Variants in PDE1C observed in about 807,000 individuals in gnomAD.
The protein encoded by PDE1C is phosphodiesterase 1C, also known as dual specificity calcium/calmodulin-dependent 3',5'-cyclic nucleotide phosphodiesterase 1C.
PDE1C carries 62 observed loss-of-function variants against 93.1 expected under a neutral mutation model. The observed-to-expected ratio is 0.67, with a 90% CI of 0.54 to 0.82. PDE1C has a LOEUF of 0.82. Ranked by LOEUF, PDE1C falls within the 40% of genes least tolerant of loss-of-function variation. PDE1C has a pLI of 0.00. For missense variants in PDE1C, 742 were observed against 884.6 expected, an observed-to-expected ratio of 0.84 and a Z score of 2.04; for synonymous variants, 325 against 310.1, an observed-to-expected ratio of 1.05 and a Z score of -0.50.
rs1799741717 is a variant in PDE1C, at chr7:32,128,906, A to AT, written c.308+40878_308+40879insA. ...GTACCCTAGAACTTAAAGTATAACA[A>AT]ATATATATATATATATATATATATA... On this transcript the variant is annotated intron_variant, in intron 3 of 18. Coordinates refer to the PDE1C transcript ENST00000396193. 8.0e-4 allele frequency among the ~76,000 whole-genome samples: 45 copies of AT among 56,006 alleles called. 2 individuals carry two copies. Among genetic ancestry groups the AT allele is most frequent in the African/African-American group, 2.9e-3 (44 of 14,956 alleles). 36.7% of individuals were successfully genotyped at this position (56,006 alleles called of 152,430 possible).
chr7:32,339,814 G>A (rs1408667579), intron 1 of PDE1C, among the ~76,000 whole-genome samples: 1 of 152,038 alleles, frequency 6.6e-6, no homozygotes, highest in Admixed American at 6.5e-5. Context: ...CCAAGATGAG[G>A]GCTATAAAAG....
chr7:31,823,304 C>T, intron 13 of PDE1C, 56 bp from the exon 14 acceptor site: 7 of 1,468,240 alleles, frequency 4.8e-6, no homozygotes, highest in East Asian at 2.3e-5. Flanking sequence ...AAAATGTCTG[C>T]CAATGAGCAA....
At chr7:31,828,044 C>T (rs1210544375) in intron 12 of PDE1C, among the ~76,000 whole-genome samples, 4 of 152,020 alleles carry the variant, frequency 2.6e-5, no homozygotes, top group Non-Finnish European at 5.9e-5. Flanking sequence ...AGTTGGGGCC[C>T]CCTCTTTCTC....
chr7:32,103,563 G>A (rs1236941755), intron 3 of PDE1C, among the ~76,000 whole-genome samples: 1 of 152,150 alleles, frequency 6.6e-6, no homozygotes, highest in African/African-American at 2.4e-5. Flanking sequence ...TCCAAAAAGA[G>A]ACTGACTAAA....
intron 2 of PDE1C, among the ~76,000 whole-genome samples, chr7:31,951,131 A>G (rs1184727974): frequency 6.6e-6 from 1 of 152,186 alleles, no homozygotes; most frequent in Non-Finnish European, 1.5e-5. Flanking sequence ...CACCAGTCCC[A>G]TTCGATGAGG....
At chr7:31,774,820 A>G (rs1795722219) in intron 17 of PDE1C, among the ~76,000 whole-genome samples, 1 of 152,218 alleles carries the variant, frequency 6.6e-6, no homozygotes, top group Non-Finnish European at 1.5e-5. Flanking sequence ...AAAGACAGGA[A>G]GGAGAGGTAA....
intron 2 of PDE1C, among the ~76,000 whole-genome samples, chr7:31,900,764 G>C (rs1192887979): frequency 2.0e-5 from 3 of 151,804 alleles, no homozygotes; most frequent in African/African-American, 7.2e-5. Flanking sequence ...CTGTTTCAGA[G>C]TGTGGTTTTC....
intron 1 of PDE1C, among the ~76,000 whole-genome samples, chr7:32,364,976 A>G (rs215706): frequency 0.97 from 148,442 of 152,324 alleles, 72,347 homozygotes; most frequent in East Asian, 1. Flanking sequence ...CTAAACTGCC[A>G]CATGCTTTCC....
intron 1 of PDE1C, among the ~76,000 whole-genome samples, chr7:32,064,504 G>C (rs993841653): frequency 2.0e-5 from 3 of 152,034 alleles, no homozygotes; most frequent in African/African-American, 7.2e-5. Flanking sequence ...CCCAAATCAG[G>C]CATCTTCCCC....
intron 16 of PDE1C, among the ~76,000 whole-genome samples, chr7:31,802,192 C>T (rs1237335686): frequency 1.3e-5 from 2 of 151,402 alleles, no homozygotes; most frequent in Non-Finnish European, 3.0e-5. Flanking sequence ...TTTATGATTT[C>T]ATTTTATCTG....
At chr7:32,167,842 C>T (rs1307400895) in intron 3 of PDE1C, among the ~76,000 whole-genome samples, 1 of 152,020 alleles carries the variant, frequency 6.6e-6, no homozygotes, top group African/African-American at 2.4e-5. Flanking sequence ...TGGTAATGAC[C>T]CTACAGAGGA....
At chr7:32,426,919 G>C (rs1254859903) in intron 1 of PDE1C, among the ~76,000 whole-genome samples, 1 of 152,114 alleles carries the variant, frequency 6.6e-6, no homozygotes, top group Non-Finnish European at 1.5e-5. Context: ...AAATTTGCTT[G>C]GGGTGAAGTG....
At chr7:31,753,703 C>T (rs1794259098) in intron 17 of PDE1C, 150 bp from the exon 18 acceptor site, 4 of 1,173,546 alleles carry the variant, frequency 3.4e-6, no homozygotes, top group Non-Finnish European at 4.6e-6. Flanking sequence ...AACCTTATGG[C>T]AGATAGATGA....
At chr7:31,857,469 T>C (rs1019436251) in intron 7 of PDE1C, among the ~76,000 whole-genome samples, 3 of 152,182 alleles carry the variant, frequency 2.0e-5, no homozygotes, top group African/African-American at 7.2e-5. Context: ...TTTCCAACTT[T>C]TGTGCTTTGT....
the PDE1C span, among the ~76,000 whole-genome samples, chr7:31,617,662 A>C: frequency 4.6e-5 from 7 of 151,814 alleles, no homozygotes; most frequent in South Asian, 2.1e-4. Flanking sequence ...GGAAAAAAAA[A>C]CCCACGATAC....
At chr7:32,088,611 T>TTGATGGCGCTCGCAAGGCTGTG (rs1416555398) in intron 3 of PDE1C, among the ~76,000 whole-genome samples, 1 of 152,224 alleles carries the variant, frequency 6.6e-6, no homozygotes, top group East Asian at 1.9e-4. Flanking sequence ...ACAATTGCAA[T>TTGATGGCGCTCGCAAGGCTGTG]TGATGGCGCT....
At chr7:31,806,857 G>A (rs1338822527) in intron 16 of PDE1C, among the ~76,000 whole-genome samples, 4 of 151,660 alleles carry the variant, frequency 2.6e-5, no homozygotes, top group Non-Finnish European at 5.9e-5. Context: ...GACATAATAG[G>A]ATCCAAAAAG....
At chr7:32,418,879 A>T (rs576200608) in intron 1 of PDE1C, among the ~76,000 whole-genome samples, 1 of 152,342 alleles carries the variant, frequency 6.6e-6, no homozygotes, top group Non-Finnish European at 1.5e-5. Flanking sequence ...CTCCTGGAGC[A>T]TTTAAGCTGC....
chr7:32,094,088 G>A (rs1267635421), intron 3 of PDE1C, among the ~76,000 whole-genome samples: 1 of 152,238 alleles, frequency 6.6e-6, no homozygotes, highest in African/African-American at 2.4e-5. Flanking sequence ...CATGGCATAG[G>A]TGTGCTGGTA....
Sources: gnomAD v4.1 joint callset for allele counts (sites outside exome capture counted in the v4.1 genomes callset) on GRCh38, gnomAD v4.1.1 for gene constraint, MANE v1.5 for transcripts, NCBI Gene and HGNC (gene_info 2026-07-23, HGNC 2026-07-21) for gene names.